H4C15: variants seen among roughly 807,000 people sequenced by gnomAD.
H4C15 encodes the protein histone H4.
chr1:149,844,569 A>C, the H4C15 span: 1 of 152,196 alleles, frequency 6.6e-6, no homozygotes, highest in African/African-American at 2.4e-5. Context: ...TCAAGTGAGA[A>C]CAGAAGATAA....
At chr1:149,845,901 AAGG>A in the H4C15 span, 1 of 152,340 alleles carries the variant, frequency 6.6e-6, no homozygotes, top group South Asian at 2.1e-4. Flanking sequence ...TGATATGAGT[AAGG>A]AGTAGTCTTG....
downstream of H4C15, chr1:149,850,092 G>C: frequency 2.2e-6 from 1 of 450,760 alleles, no homozygotes; most frequent in Non-Finnish European, 4.1e-6. Context: ...TTCAAGAGCA[G>C]CCCTCTAAGG....
chr1:149,846,737 T>TA, the H4C15 span: 1 of 152,202 alleles, frequency 6.6e-6, no homozygotes, highest in African/African-American at 2.4e-5. Flanking sequence ...GCATGTCTCT[T>TA]AAAAATAGGA....
At chr1:149,855,343 C>G, downstream of H4C15, among the ~76,000 whole-genome samples, 1 of 134,728 alleles carries the variant, frequency 7.4e-6, no homozygotes, top group East Asian at 2.2e-4. Context: ...GAAAAACGTG[C>G]TTTGTTCACA....
At chr1:149,848,356 C>T in the H4C15 span, 2 of 152,180 alleles carry the variant, frequency 1.3e-5, no homozygotes, top group African/African-American at 2.4e-5. Context: ...GACAAATTGG[C>T]TTAACTGGAA....
chr1:149,850,308 G>C (rs2092170455), downstream of H4C15: 3 of 1,375,310 alleles, frequency 2.2e-6, no homozygotes, highest in South Asian at 1.2e-5. Flanking sequence ...AAATGGCCCT[G>C]AAAAGAGCCT....
the H4C15 span, chr1:149,848,689 C>G: frequency 2.6e-5 from 4 of 152,188 alleles, no homozygotes; most frequent in African/African-American, 9.7e-5. Flanking sequence ...ATCAGGCCAA[C>G]CCTAAGAACT....
At chr1:149,850,744 A>G (rs1553757714), downstream of H4C15, 6 of 242,982 alleles carry the variant, frequency 2.5e-5, no homozygotes, top group Non-Finnish European at 4.3e-5. Context: ...CCTTCTTGGG[A>G]GCCGGCGCGA....
the H4C15 span, chr1:149,847,516 G>A: frequency 6.6e-5 from 10 of 152,256 alleles, no homozygotes; most frequent in Non-Finnish European, 1.2e-4. Context: ...CTTATAAGAA[G>A]ACATGGAGAC....
chr1:149,850,518 T>C (rs1428682048), downstream of H4C15: 15 of 826,096 alleles, frequency 1.8e-5, no homozygotes, highest in Non-Finnish European at 2.9e-5. Context: ...GTGGAGCGCT[T>C]GTTGTAGTGC....
chr1:149,849,944 C>T (rs1320583806), downstream of H4C15, among the ~76,000 whole-genome samples: 1 of 152,166 alleles, frequency 6.6e-6, no homozygotes, highest in African/African-American at 2.4e-5. Flanking sequence ...TTCATTTTAC[C>T]ACTGAAGAGC....
chr1:149,850,353 G>C, downstream of H4C15: 1 of 820,266 alleles, frequency 1.2e-6, no homozygotes, highest in Non-Finnish European at 2.1e-6. Flanking sequence ...CGCGGAGGGA[G>C]GGAGGGAGGG....
chr1:149,848,482 T>A, the H4C15 span: 1 of 152,246 alleles, frequency 6.6e-6, no homozygotes, highest in Non-Finnish European at 1.5e-5. Context: ...CTTGCCTTCA[T>A]ACCTAAAGAC....
chr1:149,846,215 T>G, the H4C15 span: 1 of 152,178 alleles, frequency 6.6e-6, no homozygotes, highest in Non-Finnish European at 1.5e-5. Flanking sequence ...AAACCTTCTA[T>G]TCAACTTCAG....
chr1:149,848,637 A>G, the H4C15 span: 9 of 152,340 alleles, frequency 5.9e-5, no homozygotes, highest in Non-Finnish European at 4.4e-5. Context: ...AGATTCCTGA[A>G]CTAATCACAG....
At chr1:149,858,751 C>T (rs1422501920), downstream of H4C15, among the ~76,000 whole-genome samples, 1 of 56,856 alleles carries the variant, frequency 1.8e-5, no homozygotes, top group Non-Finnish European at 3.4e-5. Flanking sequence ...TAATGTGTAT[C>T]GGGAGGGCTT....
At chr1:149,847,692 C>A in the H4C15 span, 3 of 152,278 alleles carry the variant, frequency 2.0e-5, no homozygotes, top group African/African-American at 7.2e-5. Flanking sequence ...GTAATCCCAG[C>A]TACTCGGGAG....
chr1:149,845,917 G>A, the H4C15 span: 1 of 152,286 alleles, frequency 6.6e-6, no homozygotes, highest in East Asian at 1.9e-4. Context: ...TAGTCTTGGA[G>A]GAAGAAAACC....
chr1:149,845,304 AG>A, the H4C15 span: 1 of 152,260 alleles, frequency 6.6e-6, no homozygotes, highest in African/African-American at 2.4e-5. Context: ...GGAATACAGC[AG>A]TAAACAGAAT....
Sources: gnomAD v4.1 joint callset for allele counts (sites outside exome capture counted in the v4.1 genomes callset) on GRCh38, gnomAD v4.1.1 for gene constraint, MANE v1.5 for transcripts, NCBI Gene and HGNC (gene_info 2026-07-23, HGNC 2026-07-21) for gene names.